The following SOX5 variants were observed in gnomAD, a reference collection of about 807,000 sequenced individuals.
SOX5 encodes the protein transcription factor SOX-5.
SOX5 carries 9 observed loss-of-function variants against 92.0 expected under a neutral mutation model. The ratio of observed to expected loss-of-function variants is 0.10; its 90% CI spans 0.06 to 0.17. The LOEUF is 0.17. SOX5 is among the 10% of genes least tolerant of loss of function. The pLI is 1.00. For synonymous variants in SOX5, 344 were observed against 336.3 expected, an observed-to-expected ratio of 1.02 and a Z score of -0.25; for missense variants, 642 against 944.5, an observed-to-expected ratio of 0.68 and a Z score of 4.20.
intron 1 of SOX5, among the ~76,000 whole-genome samples, chr12:23,948,998 T>C (rs958601936): frequency 6.6e-6 from 1 of 152,102 alleles, no homozygotes; most frequent in Non-Finnish European, 1.5e-5. Context: ...TAGGGAGTAA[T>C]CTAATATAGC....
At chr12:24,358,569 G>T (rs888667698) in intron 2 of SOX5, among the ~76,000 whole-genome samples, 1 of 150,292 alleles carries the variant, frequency 6.7e-6, no homozygotes, top group Non-Finnish European at 1.5e-5. Context: ...CCAAGATCGC[G>T]CCACTGCACT....
chr12:24,413,984 A>G (rs1296902134), intron 1 of SOX5, among the ~76,000 whole-genome samples: 4 of 152,230 alleles, frequency 2.6e-5, no homozygotes, highest in Non-Finnish European at 5.9e-5. Context: ...CATTTTATGA[A>G]GGATCAAACC....
At chr12:24,465,632 A>C (rs927586122) in intron 1 of SOX5, among the ~76,000 whole-genome samples, 1 of 152,228 alleles carries the variant, frequency 6.6e-6, no homozygotes, top group African/African-American at 2.4e-5. Flanking sequence ...CAAATTTTGT[A>C]TCTTTTCATC....
chr12:24,333,851 TAAAAA>T (rs5797076), intron 2 of SOX5, among the ~76,000 whole-genome samples: 3 of 138,508 alleles, frequency 2.2e-5, no homozygotes, highest in East Asian at 2.1e-4. Context: ...TTCACCAAGT[TAAAAA>T]AAAAAAAAAA....
At chr12:23,876,643 G>A (rs1393286051) in intron 2 of SOX5, among the ~76,000 whole-genome samples, 1 of 152,022 alleles carries the variant, frequency 6.6e-6, no homozygotes, top group Non-Finnish European at 1.5e-5. Flanking sequence ...CCCATTACTG[G>A]GTATATACCC....
chr12:23,935,400 G>A (rs1942320926), intron 1 of SOX5, among the ~76,000 whole-genome samples: 1 of 151,192 alleles, frequency 6.6e-6, no homozygotes, highest in Admixed American at 6.6e-5. Context: ...CTGTAAAGAG[G>A]CTTTCTGCCT....
chr12:24,480,339 A>T (rs1049554216), intron 1 of SOX5, among the ~76,000 whole-genome samples: 2 of 152,218 alleles, frequency 1.3e-5, no homozygotes, highest in Non-Finnish European at 2.9e-5. Context: ...TCTCCAGGAC[A>T]CTGGACTGGG....
chr12:24,241,467 G>A (rs1965544759), intron 3 of SOX5, among the ~76,000 whole-genome samples: 1 of 152,140 alleles, frequency 6.6e-6, no homozygotes, highest in Admixed American at 6.5e-5. Flanking sequence ...AGTATGTCAA[G>A]AGGGTTCCTT....
chr12:23,870,043 A>C (rs2136733113), intron 2 of SOX5, among the ~76,000 whole-genome samples: 1 of 152,278 alleles, frequency 6.6e-6, no homozygotes, highest in South Asian at 2.1e-4. Context: ...ACTACATTAA[A>C]GGACAAAACA....
At chr12:23,566,410 T>C (rs747378176) in intron 10 of SOX5, among the ~76,000 whole-genome samples, 1 of 152,200 alleles carries the variant, frequency 6.6e-6, no homozygotes, top group Non-Finnish European at 1.5e-5. Flanking sequence ...CAAAGGACAT[T>C]TTCCATTTCT....
At chr12:23,904,608 C>A (rs2097271767) in intron 1 of SOX5, among the ~76,000 whole-genome samples, 1 of 152,004 alleles carries the variant, frequency 6.6e-6, no homozygotes, top group Non-Finnish European at 1.5e-5. Flanking sequence ...TAAATATAAT[C>A]TGAGTTTATA....
chr12:24,552,194 AC>A (rs1331834853), intron 1 of SOX5, among the ~76,000 whole-genome samples: 22 of 152,122 alleles, frequency 1.4e-4, no homozygotes, highest in Non-Finnish European at 3.1e-4. Flanking sequence ...TTATTTTAGA[AC>A]TCCTAAAACC....
At chr12:24,549,483 G>C (rs971557558) in intron 1 of SOX5, among the ~76,000 whole-genome samples, 1 of 152,206 alleles carries the variant, frequency 6.6e-6, no homozygotes, top group African/African-American at 2.4e-5. Flanking sequence ...AAAGTCAATT[G>C]ACAAGGAGGT....
intron 2 of SOX5, among the ~76,000 whole-genome samples, chr12:24,331,747 C>G (rs912786935): frequency 1.4e-5 from 2 of 144,096 alleles, no homozygotes; most frequent in African/African-American, 2.6e-5. Flanking sequence ...ACTTGGGAGG[C>G]TGAGGCACGA....
intron 6 of SOX5, among the ~76,000 whole-genome samples, chr12:23,711,228 CTTA>C (rs964056701): frequency 1.3e-5 from 2 of 152,092 alleles, no homozygotes; most frequent in African/African-American, 2.4e-5. Context: ...TTGATGAAGC[CTTA>C]TTATCTCCCA....
intron 4 of SOX5, among the ~76,000 whole-genome samples, chr12:24,142,393 C>T (rs1474159403): frequency 1.3e-5 from 2 of 152,082 alleles, no homozygotes; most frequent in Admixed American, 6.6e-5. Flanking sequence ...ACACAAAATT[C>T]GGATTCTGGT....
chr12:23,628,706 C>A (rs2078148718), intron 8 of SOX5, among the ~76,000 whole-genome samples: 1 of 151,984 alleles, frequency 6.6e-6, no homozygotes, highest in Non-Finnish European at 1.5e-5. Flanking sequence ...TTCATCCCTC[C>A]CTTTCCTCTT....
chr12:24,231,053 A>G (rs566105642), intron 3 of SOX5, among the ~76,000 whole-genome samples: 2 of 152,344 alleles, frequency 1.3e-5, no homozygotes, highest in South Asian at 2.1e-4. Context: ...ACAGGTTTCA[A>G]TAGGATTAAG....
chr12:23,922,772 G>A (rs901349768), intron 1 of SOX5, among the ~76,000 whole-genome samples: 7 of 152,118 alleles, frequency 4.6e-5, no homozygotes, highest in African/African-American at 1.7e-4. Flanking sequence ...TATTGTGCTT[G>A]GCATGAGGAA....
Sources: allele counts gnomAD v4.1 joint callset (sites outside exome capture counted in the v4.1 genomes callset), GRCh38; gene constraint gnomAD v4.1.1; transcripts MANE v1.5; gene names NCBI Gene and HGNC (gene_info 2026-07-23, HGNC 2026-07-21).